Variants in SMG6 observed in about 807,000 individuals in gnomAD.
SMG6 encodes SMG6 nonsense mediated mRNA decay factor.
Under a neutral mutation model 142.2 loss-of-function variants are expected in SMG6, and 66 were observed. The ratio of observed to expected loss-of-function variants is 0.46; its 90% CI spans 0.38 to 0.57. The LOEUF is 0.57. Ranked by LOEUF, SMG6 falls within the 20% of genes least tolerant of loss-of-function variation. SMG6 has a pLI of 0.00. For missense variants in SMG6, 1,793 were observed against 1,832.0 expected, an observed-to-expected ratio of 0.98 and a Z score of 0.39; for synonymous variants, 779 against 702.4, an observed-to-expected ratio of 1.11 and a Z score of -1.72.
intron 6 of SMG6, among the ~76,000 whole-genome samples, chr17:2,289,859 G>A (rs1019511317): frequency 7.3e-5 from 11 of 151,422 alleles, no homozygotes; most frequent in African/African-American, 1.7e-4. Context: ...GTTACAGTAA[G>A]CCGAGACTAC....
At chr17:2,294,799 G>C (rs1248259834) in intron 4 of SMG6, among the ~76,000 whole-genome samples, 2 of 151,898 alleles carry the variant, frequency 1.3e-5, no homozygotes, top group African/African-American at 4.8e-5. Context: ...CAAGAAACAG[G>C]AGCACGGTTT....
chr17:2,118,710 G>T (rs2069586282), intron 13 of SMG6, among the ~76,000 whole-genome samples: 1 of 150,640 alleles, frequency 6.6e-6, no homozygotes, highest in South Asian at 2.1e-4. Flanking sequence ...GTGCACGGCT[G>T]CAAGTAGCTG....
intron 13 of SMG6, among the ~76,000 whole-genome samples, chr17:2,171,501 T>C (rs2071501741): frequency 1.3e-5 from 2 of 151,688 alleles, no homozygotes; most frequent in African/African-American, 4.9e-5. Flanking sequence ...TTCCAGATTT[T>C]CCACAGTGAA....
At chr17:2,251,720 G>C (rs2074050299) in intron 8 of SMG6, among the ~76,000 whole-genome samples, 1 of 152,176 alleles carries the variant, frequency 6.6e-6, no homozygotes, top group South Asian at 2.1e-4. Flanking sequence ...TCAGTAGGCA[G>C]CTCCAGAAAA....
intron 6 of SMG6, among the ~76,000 whole-genome samples, chr17:2,289,566 T>C (rs995317473): frequency 6.6e-6 from 1 of 152,086 alleles, no homozygotes; most frequent in East Asian, 1.9e-4. Context: ...CTTAAATATA[T>C]ATACACACAT....
At chr17:2,268,599 C>A (rs1032745107) in intron 8 of SMG6, among the ~76,000 whole-genome samples, 1 of 151,222 alleles carries the variant, frequency 6.6e-6, no homozygotes, top group African/African-American at 2.4e-5. Flanking sequence ...ATGGTAAAAC[C>A]CCATCGCTAC....
Position 2,259,568 on chromosome 17 carries a change from G to C in SMG6, c.2662-14849C>G, listed in dbSNP as rs151214059. ...GGCACACGCCTGTAGTCCCAGTTGG[G>C]AGGCTGAGGTGGGAGGATCACCTGA... is the stretch of plus-strand genomic sequence containing the variant. On this transcript the variant is annotated intron_variant, in intron 8 of 18. Transcript: ENST00000263073. 4.5e-4 allele frequency among the ~76,000 whole-genome samples: 69 copies of C among 151,720 alleles called. 1 individual carries two copies. In the East Asian group the frequency reaches 0.013, roughly 30 times the overall value.
At chr17:2,186,559 G>T in intron 12 of SMG6, 104 bp downstream of exon 12, 1 of 1,296,870 alleles carries the variant, frequency 7.7e-7, no homozygotes, top group Admixed American at 2.3e-5. Flanking sequence ...AGAGAGGCAG[G>T]CAGGCTGTGG....
intron 12 of SMG6, among the ~76,000 whole-genome samples, chr17:2,185,674 C>G (rs564992998): frequency 6.7e-6 from 1 of 149,650 alleles, no homozygotes; most frequent in Non-Finnish European, 1.5e-5. Flanking sequence ...CGAGGGCAGG[C>G]TCATGGTGAG....
chr17:2,113,227 CCACCAT>C (rs2069394946), intron 13 of SMG6, among the ~76,000 whole-genome samples: 1 of 151,972 alleles, frequency 6.6e-6, no homozygotes. Context: ...CAGGCGTGTG[CCACCAT>C]GCCTGGCCAA....
At chr17:2,106,562 T>C (rs913391829) in intron 13 of SMG6, among the ~76,000 whole-genome samples, 6 of 152,206 alleles carry the variant, frequency 3.9e-5, no homozygotes, top group Non-Finnish European at 8.8e-5. Context: ...AGAGGTCTTA[T>C]GTCCCACAGG....
chr17:2,263,006 A>C (rs1000034998), intron 8 of SMG6, among the ~76,000 whole-genome samples: 35 of 152,344 alleles, frequency 2.3e-4, no homozygotes, highest in Admixed American at 1.5e-3. Context: ...AAAGGTATAT[A>C]CTATACTGTA....
At chr17:2,279,413 G>A (rs1356965495) in intron 8 of SMG6, among the ~76,000 whole-genome samples, 2 of 152,206 alleles carry the variant, frequency 1.3e-5, no homozygotes, top group African/African-American at 2.4e-5. Context: ...AGACCTGATT[G>A]TAAGAGCACA....
intron 10 of SMG6, among the ~76,000 whole-genome samples, chr17:2,194,712 CA>C (rs768893563): frequency 5.0e-4 from 70 of 139,300 alleles, no homozygotes; most frequent in Non-Finnish European, 6.8e-4. Context: ...CAAAACAAAA[CA>C]AAAAAAAAAA....
chr17:2,129,378 C>G (rs1171767848), intron 13 of SMG6, among the ~76,000 whole-genome samples: 1 of 152,096 alleles, frequency 6.6e-6, no homozygotes, highest in Non-Finnish European at 1.5e-5. Context: ...AAAAACTACA[C>G]TATCATCAAC....
chr17:2,261,343 C>T (rs1345868179), intron 8 of SMG6, among the ~76,000 whole-genome samples: 2 of 151,774 alleles, frequency 1.3e-5, no homozygotes, highest in Non-Finnish European at 2.9e-5. Flanking sequence ...AGAAGAATGA[C>T]AGCGATACAA....
intron 8 of SMG6, among the ~76,000 whole-genome samples, chr17:2,257,582 A>G (rs1194705994): frequency 6.6e-6 from 1 of 152,208 alleles, no homozygotes; most frequent in Non-Finnish European, 1.5e-5. Flanking sequence ...AATGAAAGCC[A>G]AAGTCCTTAC....
intron 10 of SMG6, among the ~76,000 whole-genome samples, chr17:2,231,329 G>T (rs1029283442): frequency 2.0e-5 from 3 of 152,130 alleles, no homozygotes; most frequent in African/African-American, 4.8e-5. Flanking sequence ...TAGCTAGCTA[G>T]CTCTCTCTCC....
intron 8 of SMG6, among the ~76,000 whole-genome samples, chr17:2,258,671 G>A (rs1237201464): frequency 6.6e-6 from 1 of 151,486 alleles, no homozygotes; most frequent in Non-Finnish European, 1.5e-5. Flanking sequence ...TGGTGGTGCA[G>A]CCTGTAGTCC....
Sources: gnomAD v4.1 joint callset for allele counts (sites outside exome capture counted in the v4.1 genomes callset) on GRCh38, gnomAD v4.1.1 for gene constraint, MANE v1.5 for transcripts, NCBI Gene and HGNC (gene_info 2026-07-23, HGNC 2026-07-21) for gene names.